Variants in HIF3A observed in about 807,000 individuals in gnomAD.
The protein encoded by HIF3A is hypoxia inducible factor 3 subunit alpha, also known as hypoxia-inducible factor 3-alpha.
Under a neutral mutation model 67.2 loss-of-function variants are expected in HIF3A, and 41 were observed. The ratio of observed to expected loss-of-function variants is 0.61; its 90% CI spans 0.48 to 0.79. The LOEUF is 0.79. Among genes scored for constraint, HIF3A ranks in the 30% least tolerant of loss-of-function variants. HIF3A has a pLI of 0.00. For synonymous variants in HIF3A, 356 were observed against 374.8 expected (o/e 0.95, Z 0.58); for missense variants, 855 against 898.0 (o/e 0.95, Z 0.61).
intron 6 of HIF3A, 163 bp from the exon 7 acceptor site, chr19:46,311,997 AC>A: frequency 1.3e-6 from 1 of 768,732 alleles, no homozygotes. Flanking sequence ...TATTCAACCC[AC>A]CACACTCCTC....
At chr19:46,331,079 C>A in intron 12 of HIF3A, 77 bp from the exon 13 acceptor site, 1 of 1,106,140 alleles carries the variant, frequency 9.0e-7, no homozygotes, top group Non-Finnish European at 1.3e-6. Flanking sequence ...TGAATGAATG[C>A]TCATCACCTG....
At position 46,339,967 on chromosome 19, in the gene HIF3A, G is replaced by C. The variant is rs76868440; in HGVS notation, c.*345G>C. Reference sequence around the variant, plus strand: ...GGGGAATCAGGGGTGAGGAGGGTTGGGGGGGTCATATCTGTGTTTCCAGGT... The same window carrying C: ...GGGGAATCAGGGGTGAGGAGGGTTGCGGGGGTCATATCTGTGTTTCCAGGT... On this transcript the variant is annotated 3_prime_UTR_variant, in exon 15 of 15. Transcript: ENST00000377670. 5 of 246,360 alleles carry C rather than the reference G, an allele frequency of 2.0e-5. No individual in the cohort carries two copies. Among genetic ancestry groups the C allele is most frequent in the East Asian group, 1.5e-4 (2 of 13,534 alleles). 15.3% of individuals were successfully genotyped at this position (246,360 alleles called of 1,614,324 possible).
intron 5 of HIF3A, 73 bp downstream of exon 5, chr19:46,308,848 G>C (rs1969159569): frequency 1.9e-6 from 2 of 1,066,030 alleles, no homozygotes. Context: ...CTTGAAGGGT[G>C]CTGGAGTCCA....
chr19:46,318,293 C>A (rs752030433), intron 8 of HIF3A, among the ~76,000 whole-genome samples: 21 of 151,602 alleles, frequency 1.4e-4, no homozygotes, highest in Middle Eastern at 3.4e-3. Flanking sequence ...GAATGCTGGG[C>A]ATGGTAACTC....
At chr19:46,322,038 T>A in intron 10 of HIF3A, 72 bp downstream of exon 10, 1 of 1,457,600 alleles carries the variant, frequency 6.9e-7, no homozygotes. Flanking sequence ...GCCTGTGACT[T>A]AAACCTGACT....
At chr19:46,321,601 T>G (rs921254259) in intron 9 of HIF3A, among the ~76,000 whole-genome samples, 175 bp from the exon 10 acceptor site, 2 of 151,988 alleles carry the variant, frequency 1.3e-5, no homozygotes, top group African/African-American at 4.8e-5. Context: ...AAAATAAAGT[T>G]CACACCTGGC....
chr19:46,336,546 T>C (rs1185847807), intron 14 of HIF3A, among the ~76,000 whole-genome samples: 4 of 152,102 alleles, frequency 2.6e-5, no homozygotes, highest in African/African-American at 7.2e-5. Flanking sequence ...TGTGTTTGTG[T>C]GCGTGTGTGT....
intron 2 of HIF3A, 58 bp downstream of exon 2, chr19:46,304,146 T>A: frequency 6.9e-7 from 1 of 1,459,004 alleles, no homozygotes; most frequent in Non-Finnish European, 9.3e-7. Flanking sequence ...GGAAAAAAAC[T>A]ACATCCCAGG....
At chr19:46,317,509 AG>A (rs1970012833) in intron 8 of HIF3A, among the ~76,000 whole-genome samples, 2 of 151,984 alleles carry the variant, frequency 1.3e-5, no homozygotes, top group Admixed American at 6.6e-5. Flanking sequence ...TCCAAATCTC[AG>A]GGCCTTTGCA....
chr19:46,333,766 C>T (rs1971406235), intron 13 of HIF3A, among the ~76,000 whole-genome samples: 5 of 145,078 alleles, frequency 3.4e-5, no homozygotes, highest in South Asian at 2.2e-4. Context: ...TTTTCTTTTC[C>T]TTTCCTTTCT....
intron 1 of HIF3A, among the ~76,000 whole-genome samples, chr19:46,302,790 C>T (rs1052410247): frequency 6.6e-6 from 1 of 152,062 alleles, no homozygotes; most frequent in African/African-American, 2.4e-5. Flanking sequence ...TGGAGGATGG[C>T]TTTAGCCTAG....
chr19:46,326,401 G>A (rs761528991), intron 11 of HIF3A, among the ~76,000 whole-genome samples: 1 of 152,074 alleles, frequency 6.6e-6, no homozygotes, highest in African/African-American at 2.4e-5. Context: ...ACAAATCATC[G>A]CTTCTGCCAT....
intron 1 of HIF3A, chr19:46,298,431 TA>T: frequency 7.8e-7 from 1 of 1,286,046 alleles, no homozygotes; most frequent in South Asian, 1.2e-5. Context: ...CACCCACTCG[TA>T]ACTCGCACCC....
rs1008134268 is a variant in HIF3A, at chr19:46,297,958, C to T, written c.26+856C>T. 6.6e-6 allele frequency among the ~76,000 whole-genome samples: 1 copy of T among 152,042 alleles called. No individual in the cohort carries two copies. ...TGCCGCAGTACTCAGATGGGGTCAT[C>T]CCGGGCAGAGGGTGGGTTTCTGGGT... On this transcript the variant is annotated intron_variant, in intron 1 of 14. Coordinates refer to ENST00000377670, the MANE Select transcript of HIF3A (RefSeq NM_152795.4). The surrounding 1 kb of genome is among the most constrained non-coding windows in gnomAD (Gnocchi z 4.5).
chr19:46,318,945 T>C (rs1366143094), intron 8 of HIF3A, among the ~76,000 whole-genome samples: 1 of 152,104 alleles, frequency 6.6e-6, no homozygotes, highest in African/African-American at 2.4e-5. Context: ...CATTTTATTT[T>C]CATATTCAAG....
intron 13 of HIF3A, among the ~76,000 whole-genome samples, chr19:46,333,544 G>A (rs112096013): frequency 2.4e-4 from 37 of 152,172 alleles, no homozygotes; most frequent in African/African-American, 8.9e-4. Flanking sequence ...GAGCAAAGTT[G>A]CATGCTGTCA....
intron 2 of HIF3A, 56 bp downstream of exon 2, chr19:46,304,144 A>C: frequency 6.8e-7 from 1 of 1,469,682 alleles, no homozygotes; most frequent in Admixed American, 2.0e-5. Context: ...ACGGAAAAAA[A>C]CTACATCCCA....
intron 11 of HIF3A, among the ~76,000 whole-genome samples, chr19:46,328,911 G>A (rs1189524489): frequency 6.6e-6 from 1 of 151,936 alleles, no homozygotes; most frequent in African/African-American, 2.4e-5. Flanking sequence ...TTGTGTAGGT[G>A]GGGGTCTCAC....
chr19:46,309,073 C>A, intron 5 of HIF3A, 78 bp from the exon 6 acceptor site: 1 of 1,236,362 alleles, frequency 8.1e-7, no homozygotes, highest in South Asian at 1.4e-5. Context: ...GATGGGCCCT[C>A]AGGACGCATC....
Sources: gnomAD v4.1 joint callset for allele counts (sites outside exome capture counted in the v4.1 genomes callset) on GRCh38, gnomAD v4.1.1 for gene constraint, Gnocchi (gnomAD v3.1) non-coding constraint, MANE v1.5 for transcripts, NCBI Gene and HGNC (gene_info 2026-07-23, HGNC 2026-07-21) for gene names.